The following CCSER1 variants were observed in gnomAD, a reference collection of about 807,000 sequenced individuals.
CCSER1 encodes coiled-coil serine rich protein 1, also known as serine-rich coiled-coil domain-containing protein 1.
A neutral mutation model predicts 82.0 loss-of-function variants in CCSER1; 41 were observed. The observed-to-expected ratio is 0.50, with a 90% CI of 0.39 to 0.65. The LOEUF (loss-of-function observed/expected upper bound fraction) is 0.65, where lower values mean the gene tolerates loss of function less well. CCSER1 is among the 30% of genes least tolerant of loss of function. The pLI is 0.00. For missense variants in CCSER1, 1,119 were observed against 1,064.2 expected, an observed-to-expected ratio of 1.05 and a Z score of -0.72; for synonymous variants, 414 against 383.9, an observed-to-expected ratio of 1.08 and a Z score of -0.92.
rs578197118 is a variant in CCSER1 at position 90,654,073 on chromosome 4, G to A, written c.1932+25841G>A. ...TCATTATCACAGGAACAGCAAGGGGGAAATTTGCCCCCATGATCCAGTCAC... is the reference window on the plus strand; with the variant it reads ...TCATTATCACAGGAACAGCAAGGGGAAAATTTGCCCCCATGATCCAGTCAC... On this transcript the variant is annotated intron_variant, in intron 6 of 10. Coordinates refer to ENST00000509176, the MANE Select transcript of CCSER1 (RefSeq NM_001145065.2). Among the ~76,000 whole-genome samples the A allele has an allele frequency of 5.3e-5, 8 of 152,134 alleles. No individual in the cohort carries two copies. In the South Asian group the frequency reaches 1.4e-3, roughly 28 times the overall value.
At chr4:91,103,223 C>T (rs1414373644) in intron 10 of CCSER1, among the ~76,000 whole-genome samples, 1 of 152,116 alleles carries the variant, frequency 6.6e-6, no homozygotes, top group Non-Finnish European at 1.5e-5. Flanking sequence ...TCTCTGTTCA[C>T]ATCCTATCCT....
intron 8 of CCSER1, among the ~76,000 whole-genome samples, chr4:90,884,877 A>C (rs937176593): frequency 6.6e-6 from 1 of 152,144 alleles, no homozygotes; most frequent in African/African-American, 2.4e-5. Context: ...GCAGATAAAG[A>C]AGGATGATTT....
In CCSER1 at chr4:90,655,303, A is replaced by C. The variant is rs369712453; in HGVS notation, c.1932+27071A>C. ...TTAAATTATCCTCCTGGTTTGATGAAGTAAAAGATAGATTTTTATTAAAAA... is the reference window on the plus strand; with the variant it reads ...TTAAATTATCCTCCTGGTTTGATGACGTAAAAGATAGATTTTTATTAAAAA... On this transcript the variant is annotated intron_variant, in intron 6 of 10. Coordinates refer to ENST00000509176, the MANE Select transcript of CCSER1 (RefSeq NM_001145065.2). Among the ~76,000 whole-genome samples the C allele has an allele frequency of 3.9e-5, 6 of 152,108 alleles. No individual in the cohort carries two copies. The East Asian group carries it at 5.8e-4, about 15-fold the overall frequency.
intron 4 of CCSER1, among the ~76,000 whole-genome samples, chr4:90,427,415 G>A (rs1473268698): frequency 1.3e-5 from 2 of 151,180 alleles, no homozygotes; most frequent in Non-Finnish European, 3.0e-5. Flanking sequence ...AGGATTTGAA[G>A]GAATCTTTTG....
chr4:90,369,470 T>C (rs940819626), intron 3 of CCSER1, among the ~76,000 whole-genome samples: 2 of 151,708 alleles, frequency 1.3e-5, no homozygotes, highest in Non-Finnish European at 2.9e-5. Context: ...ATAGGGAGAT[T>C]GAGAGTAAAA....
intron 8 of CCSER1, among the ~76,000 whole-genome samples, chr4:90,916,050 G>T (rs1257321548): frequency 6.6e-6 from 1 of 152,112 alleles, no homozygotes; most frequent in East Asian, 1.9e-4. Flanking sequence ...CCATGCTCAT[G>T]GATAGGAAGA....
chr4:91,365,177 A>G (rs116775648), intron 10 of CCSER1, among the ~76,000 whole-genome samples: 1 of 152,198 alleles, frequency 6.6e-6, no homozygotes. Flanking sequence ...TATTTTTCAC[A>G]TATGTATTAT....
At chr4:91,503,312 A>C (rs1041224686) in intron 10 of CCSER1, among the ~76,000 whole-genome samples, 3 of 151,548 alleles carry the variant, frequency 2.0e-5, no homozygotes, top group African/African-American at 4.9e-5. Context: ...ACTGCAGTCC[A>C]ACCTGGGAGA....
chr4:90,935,239 A>T (rs539618252), intron 9 of CCSER1, among the ~76,000 whole-genome samples: 71 of 152,046 alleles, frequency 4.7e-4, no homozygotes, highest in Admixed American at 1.0e-3. Context: ...GGATCATGAG[A>T]GAGATCTTTC....
rs73836885 is a variant in CCSER1, at chr4:91,232,643, T to C, written c.2217+146649T>C. Reference sequence around the variant, plus strand: ...TATAACTGTTGAATTTTATATCACATATATACAATGTATAAATTATATAAT... The same window carrying C: ...TATAACTGTTGAATTTTATATCACACATATACAATGTATAAATTATATAAT... On this transcript the variant is annotated intron_variant, in intron 10 of 10. Transcript: ENST00000509176. 6.5e-3 allele frequency among the ~76,000 whole-genome samples: 981 copies of C among 151,938 alleles called. 10 individuals are homozygous for C. The highest frequency in any genetic ancestry group is 0.022 in the African/African-American group (914 of 41,550).
At chr4:90,654,561 G>A (rs1175904966) in intron 6 of CCSER1, among the ~76,000 whole-genome samples, 1 of 151,802 alleles carries the variant, frequency 6.6e-6, no homozygotes, top group Non-Finnish European at 1.5e-5. Context: ...ACATAGCATT[G>A]CGATTTTTTA....
chr4:90,306,131 T>C (rs1560989585), intron 1 of CCSER1, among the ~76,000 whole-genome samples: 1 of 151,958 alleles, frequency 6.6e-6, no homozygotes, highest in Non-Finnish European at 1.5e-5. Context: ...ATTAAACTCA[T>C]AGAAGTAGAA....
At position 90,932,979 on chromosome 4, in the gene CCSER1, A is replaced by G. The variant is rs1242753820; in HGVS notation, c.2172+9532A>G. 2.2e-3 allele frequency among the ~76,000 whole-genome samples: 86 copies of G among 38,672 alleles called. 20 individuals are homozygous for G. The highest frequency in any genetic ancestry group is 3.1e-3 in the Non-Finnish European group (65 of 21,188). The allele number at this position is 38,672 out of a possible 152,430, so 25.4% of individuals were successfully genotyped here. On this transcript the variant is annotated intron_variant, in intron 9 of 10. Coordinates refer to ENST00000509176, the MANE Select transcript of CCSER1 (RefSeq NM_001145065.2). ...GAAAGAAAGAAAGAAAGAAAGAAAG[A>G]AAGAGAAAGAAAGAAAGAAAGAAAG...
intron 1 of CCSER1, among the ~76,000 whole-genome samples, chr4:90,202,360 G>T (rs1329997049): frequency 6.6e-6 from 1 of 152,010 alleles, no homozygotes; most frequent in African/African-American, 2.4e-5. Context: ...CCGTCACCAT[G>T]CCTGGCTAAC....
In CCSER1 at chr4:91,598,758, G is replaced by A. The variant is rs2110361997; in HGVS notation, c.2404G>A (p.Val802Ile). Residue 802 changes from valine to isoleucine, a missense_variant, in exon 11 of 11, where the codon GTT (valine) becomes ATT (isoleucine). Transcript: ENST00000509176. The stretch of plus-strand genomic sequence containing the variant: ...CCTGAAGGACAAGGAACTAGCAGAA[G>A]TTATCAAACATTCAAGAGGAACTTA... Reference protein sequence around the residue: ...NFLKDKELAEVIKHSRGTYET... With the variant: ...NFLKDKELAEIIKHSRGTYET... 1.3e-6 allele frequency: 2 copies of A among 1,551,580 alleles called. No individual in the cohort carries two copies. Among genetic ancestry groups the A allele is most frequent in the East Asian group, 4.9e-5 (2 of 40,920 alleles).
chr4:91,560,211 C>G (rs1762590994), intron 10 of CCSER1, among the ~76,000 whole-genome samples: 1 of 151,386 alleles, frequency 6.6e-6, no homozygotes, highest in Non-Finnish European at 1.5e-5. Flanking sequence ...ATGTTGCTAC[C>G]ATATAATTTC....
chr4:90,259,988 C>T (rs72877779), intron 1 of CCSER1, among the ~76,000 whole-genome samples: 6,810 of 152,114 alleles, frequency 0.045, 396 homozygotes, highest in African/African-American at 0.13. Flanking sequence ...CATCGAATGA[C>T]TTAGGGAAGA....
chr4:90,885,589 A>G (rs1329212303), intron 8 of CCSER1, among the ~76,000 whole-genome samples: 1 of 152,140 alleles, frequency 6.6e-6, no homozygotes, highest in African/African-American at 2.4e-5. Flanking sequence ...TTCTTCTGAG[A>G]TATATTTTTA....
intron 5 of CCSER1, among the ~76,000 whole-genome samples, chr4:90,568,036 G>A (rs6838828): frequency 0.43 from 65,371 of 151,956 alleles, 16,556 homozygotes; most frequent in African/African-American, 0.71. Context: ...ATTTTATACC[G>A]TGTCATCAGA....
Sources: allele counts gnomAD v4.1 joint callset (sites outside exome capture counted in the v4.1 genomes callset), GRCh38; gene constraint gnomAD v4.1.1; transcripts MANE v1.5; gene names NCBI Gene and HGNC (gene_info 2026-07-23, HGNC 2026-07-21).